Variants in VMAC observed in about 807,000 individuals in gnomAD.
VMAC encodes the protein vimentin-type intermediate filament-associated coiled-coil protein.
Under a neutral mutation model 4.8 loss-of-function variants are expected in VMAC, and 8 were observed. That is an observed-to-expected ratio of 1.68 (90% CI 0.99 to 3.03). The LOEUF (loss-of-function observed/expected upper bound fraction) is 3.03. Ranked by LOEUF, VMAC falls within the 30% of genes most tolerant of loss-of-function variation. VMAC has a pLI of 0.00. For missense variants in VMAC, 248 were observed against 245.1 expected, an observed-to-expected ratio of 1.01 and a Z score of -0.08; for synonymous variants, 96 against 113.7, an observed-to-expected ratio of 0.84 and a Z score of 0.99.
chr19:5,907,781 G>A (rs913234052), intron 1 of VMAC, among the ~76,000 whole-genome samples: 5 of 151,674 alleles, frequency 3.3e-5, no homozygotes, highest in East Asian at 1.9e-4. Flanking sequence ...GCTAGATTCC[G>A]TCTCAATCAA....
At chr19:5,907,676 C>T (rs1027538949) in intron 1 of VMAC, among the ~76,000 whole-genome samples, 1 of 147,334 alleles carries the variant, frequency 6.8e-6, no homozygotes, top group African/African-American at 2.5e-5. Flanking sequence ...GTCCCAGCTA[C>T]TGGGGAGGCT....
chr19:5,908,114 C>T lies in VMAC; in HGVS notation c.192-710C>T, dbSNP rs148085863. Among the ~76,000 whole-genome samples the T allele has an allele frequency of 1.7e-3, 256 of 152,278 alleles. No individual in the cohort carries two copies. The highest frequency in any genetic ancestry group is 5.2e-3 in the African/African-American group (218 of 41,552). ...ATCCCAGTACTTTGGGAGGCCAAGG[C>T]GGGTGGATCACTTGAGGTCAGGAGT... On this transcript the variant is annotated intron_variant, in intron 1 of 1. Coordinates refer to ENST00000339485, the MANE Select transcript of VMAC (RefSeq NM_001017921.4). The surrounding 1 kb of genome is among the most constrained non-coding windows in gnomAD (Gnocchi z 4.5).
rs2057686818 is a variant in VMAC at position 5,908,542 on chromosome 19, G to A, written c.192-282G>A. ...GAGGCAGGAGAATTGCTTGAACCCT[G>A]GAGCCGGAAGTTGCAGTGAGCTGAG... On this transcript the variant is annotated intron_variant, in intron 1 of 1. Transcript: ENST00000339485. This position sits in a 1 kb window ranked among gnomAD's most constrained non-coding sequence, Gnocchi z 4.5. Among the ~76,000 whole-genome samples the A allele has an allele frequency of 6.6e-6, 1 of 152,064 alleles. No homozygotes were observed. The highest frequency in any genetic ancestry group is 1.5e-5 in the Non-Finnish European group (1 of 68,024).
chr19:5,909,094 G>C lies in VMAC; in HGVS notation c.462G>C (p.Glu154Asp), dbSNP rs763364463. Reference sequence around the variant, plus strand: ...CCCTTGACAACAGCACTGGGGAAGAGGCGGACAGGGACCACCTCCAGCCTG... The same window carrying C: ...CCCTTGACAACAGCACTGGGGAAGACGCGGACAGGGACCACCTCCAGCCTG... ...GPPLDNSTGE[E>D]ADRDHLQPAV... The change falls in exon 2 of 2, where the codon GAG (glutamate) becomes GAC (aspartate). Residue 154 changes from glutamate to aspartate, a missense_variant. Coordinates refer to ENST00000339485, the MANE Select transcript of VMAC (RefSeq NM_001017921.4). The C allele has an allele frequency of 6.4e-7, 1 of 1,555,870 alleles. No individual in the cohort carries two copies. The highest frequency in any genetic ancestry group is 1.9e-5 in the Admixed American group (1 of 52,574).
At chr19:5,905,496 T>G (rs1441799217) in intron 1 of VMAC, among the ~76,000 whole-genome samples, 2 of 152,214 alleles carry the variant, frequency 1.3e-5, no homozygotes, top group Admixed American at 1.3e-4. Flanking sequence ...CTCAGCTCAC[T>G]GCAACCTCCA....
Position 5,910,003 on chromosome 19 carries a change from C to CA in VMAC, c.*862dup, listed in dbSNP as rs2057692284. 3.9e-5 allele frequency: 3 copies of CA among 76,634 alleles called. No homozygotes were observed. The South Asian group carries it at 1.6e-3, about 42-fold the overall frequency. The allele number at this position is 76,634 out of a possible 1,614,324, so 4.7% of individuals were successfully genotyped here. Reference sequence around the variant, plus strand: ...GCAGCCATTCCCCTACCTCCTCACTCAGGAACTGTCACACCAGGAACCGGC... The same window carrying CA: ...GCAGCCATTCCCCTACCTCCTCACTCAAGGAACTGTCACACCAGGAACCGGC... On this transcript the variant is annotated 3_prime_UTR_variant, in exon 2 of 2. Coordinates refer to ENST00000339485, the MANE Select transcript of VMAC (RefSeq NM_001017921.4).
At position 5,909,571 on chromosome 19, in the gene VMAC, C is replaced by G. The variant is rs1423560607; in HGVS notation, c.*429C>G. On this transcript the variant is annotated 3_prime_UTR_variant, in exon 2 of 2. Transcript: ENST00000339485. ...TTTGGCTAACTGCAACCTCCGCCTC[C>G]CAGGTTCAAGCGATTCTCCTGTCTC... The G allele has an allele frequency of 5.9e-6, 1 of 170,364 alleles. No individual in the cohort carries two copies. The highest frequency in any genetic ancestry group is 2.4e-5 in the African/African-American group (1 of 41,520). 10.6% of individuals were successfully genotyped at this position (170,364 alleles called of 1,614,324 possible).
rs1245438583 is a variant in VMAC, at chr19:5,909,719, ACCTTAGGTGATCCAC to A, written c.*580_*594del. ...TGACCAGGCTGGTCTCAAACTCCTG[ACCTTAGGTGATCCAC>A]CCGCCTCGGCCTTCGAAAGTGCTGC... On this transcript the variant is annotated 3_prime_UTR_variant, in exon 2 of 2. Transcript: ENST00000339485. 6.6e-6 allele frequency: 1 copy of A among 152,438 alleles called. No individual in the cohort carries two copies. The highest frequency in any genetic ancestry group is 2.4e-5 in the African/African-American group (1 of 41,346). 9.4% of individuals were successfully genotyped at this position (152,438 alleles called of 1,614,324 possible).
Position 5,909,283 on chromosome 19 carries a change from T to C in VMAC, c.*141T>C. 1.1e-6 allele frequency: 1 copy of C among 929,820 alleles called. No individual in the cohort carries two copies. Among genetic ancestry groups the C allele is most frequent in the Non-Finnish European group, 1.5e-6 (1 of 648,968 alleles). 57.6% of individuals were successfully genotyped at this position (929,820 alleles called of 1,614,324 possible). A position where few individuals can be genotyped will look rare whatever the true frequency, so the allele number is the denominator to read the frequency against. On this transcript the variant is annotated 3_prime_UTR_variant, in exon 2 of 2. Transcript: ENST00000339485. ...CAGAACAGGCTGAACAGTCAAAAAGTTTTCAAATAGGCCCACAGGCCAGGT... is the reference window on the plus strand; with the variant it reads ...CAGAACAGGCTGAACAGTCAAAAAGCTTTCAAATAGGCCCACAGGCCAGGT...
rs776259116 is a variant in VMAC, at chr19:5,909,052, C to G, written c.420C>G (p.Pro140=). 8.1e-5 allele frequency: 126 copies of G among 1,565,098 alleles called. No individual in the cohort carries two copies. Among genetic ancestry groups the G allele is most frequent in the Middle Eastern group, 6.6e-4 (4 of 6,028 alleles). The part of the protein sequence containing the change: ...LPASDPGHPP[P]GGPGPPLDNS... The stretch of plus-strand genomic sequence containing the variant: ...CCAGTGACCCCGGCCACCCACCCCC[C>G]GGTGGGCCTGGTCCACCCCTTGACA... The change falls in exon 2 of 2, where the codon CCC becomes CCG. Residue 140 remains proline (P), a synonymous_variant. Coordinates refer to ENST00000339485, the MANE Select transcript of VMAC (RefSeq NM_001017921.4).
chr19:5,909,380 C>T lies in VMAC; in HGVS notation c.*238C>T, dbSNP rs2144973768. ...TTGAATCAGTCACCCTTGCTAAAAA[C>T]CTGGCAATGCAAACACAAAGATCTG... On this transcript the variant is annotated 3_prime_UTR_variant, in exon 2 of 2. Transcript: ENST00000339485. The T allele has an allele frequency of 2.1e-6, 1 of 486,762 alleles. No homozygotes were observed. The highest frequency in any genetic ancestry group is 3.7e-5 in the East Asian group (1 of 27,206). 30.2% of individuals were successfully genotyped at this position (486,762 alleles called of 1,614,324 possible). A position where few individuals can be genotyped will look rare whatever the true frequency, so the allele number is the denominator to read the frequency against.
chr19:5,908,895 A>C lies in VMAC; in HGVS notation c.263A>C (p.His88Pro). The change falls in exon 2 of 2, where the codon CAC becomes CCC. Residue 88 changes from histidine (H) to proline (P), a missense_variant. By Grantham distance (77) the His-to-Pro change is moderately conservative. Coordinates refer to ENST00000339485, the MANE Select transcript of VMAC (RefSeq NM_001017921.4). The surrounding 1 kb of genome is among the most constrained non-coding windows in gnomAD (Gnocchi z 4.5). Reference sequence around the variant, plus strand: ...GTCCACAGCCTGCAGGCCACCGTGCACCAGAGGGACGAGCTCATTAGGCAG... The same window carrying C: ...GTCCACAGCCTGCAGGCCACCGTGCCCCAGAGGGACGAGCTCATTAGGCAG... ...ATVHSLQATV[H>P]QRDELIRQLQ... 1 of 1,613,946 alleles carries C rather than the reference A, an allele frequency of 6.2e-7. No individual in the cohort carries two copies.
rs1293920598 is a variant in VMAC, at chr19:5,909,630, C to G, written c.*488C>G. 2.6e-5 allele frequency: 4 copies of G among 155,236 alleles called. No homozygotes were observed. Among genetic ancestry groups the G allele is most frequent in the Non-Finnish European group, 4.3e-5 (3 of 70,300 alleles). The allele number at this position is 155,236 out of a possible 1,614,324, so 9.6% of individuals were successfully genotyped here. A position where few individuals can be genotyped will look rare whatever the true frequency, so the allele number is the denominator to read the frequency against. ...GAGTAGCTGGGATTACAGGCGCCCA[C>G]CACCACACCCGGATATTTTATATTT... On this transcript the variant is annotated 3_prime_UTR_variant, in exon 2 of 2. Transcript: ENST00000339485.
intron 1 of VMAC, among the ~76,000 whole-genome samples, chr19:5,907,598 C>T (rs2057683008): frequency 3.6e-5 from 1 of 28,002 alleles, no homozygotes; most frequent in Non-Finnish European, 8.8e-5. Context: ...CATGGTGAAA[C>T]CCTGTCTCTA....
chr19:5,904,945 G>C lies in VMAC; in HGVS notation c.55G>C (p.Val19Leu), dbSNP rs1488536361. The change falls in exon 1 of 2, where the codon GTG becomes CTG. Residue 19 changes from valine to leucine, a missense_variant. Transcript: ENST00000339485. The stretch of plus-strand genomic sequence containing the variant: ...GGAGGCAAACGCACACCTGGCAGCC[G>C]TGCACCGGCGCGCAGCGGAGCTGGA... ...IREANAHLAA[V>L]HRRAAELEAR... The C allele has an allele frequency of 9.4e-6, 14 of 1,483,532 alleles. No individual in the cohort carries two copies. The highest frequency in any genetic ancestry group is 1.2e-5 in the Non-Finnish European group (14 of 1,127,220). The allele number at this position is 1,483,532 out of a possible 1,614,324, so 91.9% of individuals were successfully genotyped here.
chr19:5,907,203 G>A (rs2057681625), intron 1 of VMAC, among the ~76,000 whole-genome samples: 1 of 152,114 alleles, frequency 6.6e-6, no homozygotes, highest in African/African-American at 2.4e-5. Context: ...AGGGCAGAGA[G>A]AGCCAGGGAG....
At position 5,905,005 on chromosome 19, in the gene VMAC, G is replaced by A; in HGVS notation, c.115G>A (p.Ala39Thr). The change falls in exon 1 of 2, where the codon GCC becomes ACC. Residue 39 changes from alanine to threonine, a missense_variant. Coordinates refer to ENST00000339485, the MANE Select transcript of VMAC (RefSeq NM_001017921.4). ...RLDAAERTVH[A>T]QAERLALHDQ... is the part of the protein sequence containing the mutation. ...GGACGCGGCGGAGCGCACGGTGCAC[G>A]CCCAAGCCGAGCGCCTGGCCCTCCA... 7.0e-7 allele frequency: 1 copy of A among 1,436,872 alleles called. No homozygotes were observed. Among genetic ancestry groups the A allele is most frequent in the Non-Finnish European group, 9.0e-7 (1 of 1,105,340 alleles). 89.0% of individuals were successfully genotyped at this position (1,436,872 alleles called of 1,614,324 possible). A position where few individuals can be genotyped will look rare whatever the true frequency, so the allele number is the denominator to read the frequency against.
chr19:5,907,210 G>C (rs2057681647), intron 1 of VMAC, among the ~76,000 whole-genome samples: 1 of 152,030 alleles, frequency 6.6e-6, no homozygotes, highest in African/African-American at 2.4e-5. Context: ...AGAGAGCCAG[G>C]GAGTTCTTTT....
Position 5,909,154 on chromosome 19 carries a change from A to G in VMAC, c.*12A>G, listed in dbSNP as rs562678389. 1.6e-5 allele frequency: 25 copies of G among 1,529,632 alleles called. No individual in the cohort carries two copies. The South Asian group carries it at 2.8e-4, about 17-fold the overall frequency. The allele number at this position is 1,529,632 out of a possible 1,614,324, so 94.8% of individuals were successfully genotyped here. On this transcript the variant is annotated 3_prime_UTR_variant, in exon 2 of 2. Transcript: ENST00000339485. ...GGACCACAGTGTGAGCCCGGAATGC[A>G]GATTACAGAATGGAGACAGAAAGCC...
Sources: allele counts gnomAD v4.1 joint callset (sites outside exome capture counted in the v4.1 genomes callset), GRCh38; gene constraint gnomAD v4.1.1; non-coding constraint Gnocchi (gnomAD v3.1); transcripts MANE v1.5; gene names NCBI Gene and HGNC (gene_info 2026-07-23, HGNC 2026-07-21).